Variants in OPRM1 observed in about 807,000 individuals in gnomAD.
OPRM1 encodes opioid receptor mu 1.
In OPRM1, 27 loss-of-function variants were observed where a neutral mutation model predicts 31.8. The observed-to-expected ratio is 0.85, with a 90% CI of 0.63 to 1.17. The LOEUF is 1.17. Ranked by LOEUF, OPRM1 falls within the 50% of genes most tolerant of loss-of-function variation. OPRM1 has a pLI of 0.00. For synonymous variants in OPRM1, 196 were observed against 189.9 expected, an observed-to-expected ratio of 1.03 and a Z score of -0.26; for missense variants, 536 against 511.1, an observed-to-expected ratio of 1.05 and a Z score of -0.47.
chr6:154,058,793 A>G (rs767939440), intron 1 of OPRM1, among the ~76,000 whole-genome samples: 3 of 152,156 alleles, frequency 2.0e-5, no homozygotes, highest in African/African-American at 4.8e-5. Context: ...TTCCATACTA[A>G]CAATCCTTAA....
intron 1 of OPRM1, among the ~76,000 whole-genome samples, chr6:154,050,576 G>A (rs763601379): frequency 1.3e-5 from 2 of 151,832 alleles, no homozygotes; most frequent in Non-Finnish European, 2.9e-5. Context: ...AACTTAGAGA[G>A]TAGAAGGATG....
intron 3 of OPRM1, chr6:154,212,786 G>A (rs1377979624): frequency 1.9e-6 from 3 of 1,612,192 alleles, no homozygotes; most frequent in Non-Finnish European, 2.5e-6. Flanking sequence ...CTGAGTCTGG[G>A]AAGCGTGAGG....
chr6:154,150,681 C>G (rs561263444), intron 3 of OPRM1, among the ~76,000 whole-genome samples: 1 of 152,218 alleles, frequency 6.6e-6, no homozygotes, highest in Non-Finnish European at 1.5e-5. Context: ...CTTCTTTACC[C>G]GCACATCCCC....
At position 154,056,812 on chromosome 6, in the gene OPRM1, T is replaced by C. The variant is rs905802754; in HGVS notation, c.290+16978T>C. On this transcript the variant is annotated intron_variant, in intron 1 of 3. Coordinates refer to ENST00000330432, the MANE Select transcript of OPRM1 (RefSeq NM_000914.5). Reference sequence around the variant, plus strand: ...GTATAACCTGAACATCAGAGCCTCATTGTGCCTGCCAAGAAGAACAAGGGA... The same window carrying C: ...GTATAACCTGAACATCAGAGCCTCACTGTGCCTGCCAAGAAGAACAAGGGA... 2.6e-5 allele frequency among the ~76,000 whole-genome samples: 4 copies of C among 152,126 alleles called. No homozygotes were observed. In the East Asian group the frequency reaches 5.8e-4, roughly 22 times the overall value.
At chr6:154,081,461 G>C (rs1043560175) in intron 1 of OPRM1, among the ~76,000 whole-genome samples, 1 of 152,076 alleles carries the variant, frequency 6.6e-6, no homozygotes. Context: ...AGCCGAGATC[G>C]CGCCACTGCA....
chr6:154,199,662 G>A, intron 3 of OPRM1: 1 of 1,589,252 alleles, frequency 6.3e-7, no homozygotes, highest in Non-Finnish European at 8.6e-7. Context: ...TAATTTATTG[G>A]TTTACCTTTG....
intron 1 of OPRM1, among the ~76,000 whole-genome samples, chr6:154,011,813 T>C (rs1777745446): frequency 1.3e-5 from 2 of 152,116 alleles, no homozygotes; most frequent in Non-Finnish European, 2.9e-5. Context: ...GATGGTACTA[T>C]TAAAATTATG....
intron 3 of OPRM1, among the ~76,000 whole-genome samples, chr6:154,109,385 A>G (rs1163203104): frequency 6.6e-6 from 1 of 152,262 alleles, no homozygotes; most frequent in African/African-American, 2.4e-5. Context: ...ATTGACTTAC[A>G]AAAAGATGTA....
chr6:154,050,710 T>C lies in OPRM1; in HGVS notation c.290+10876T>C, dbSNP rs534821120. On this transcript the variant is annotated intron_variant, in intron 1 of 3. Coordinates refer to ENST00000330432, the MANE Select transcript of OPRM1 (RefSeq NM_000914.5). ...CCTACTATCTGAAAGCACAAAAGGG[T>C]GACTATAATCAATAATAAGCTAATT... 1.0e-3 allele frequency among the ~76,000 whole-genome samples: 153 copies of C among 152,132 alleles called. 1 individual carries two copies. Among genetic ancestry groups the C allele is most frequent in the African/African-American group, 3.5e-3 (144 of 41,498 alleles).
intron 3 of OPRM1, among the ~76,000 whole-genome samples, chr6:154,165,696 C>T (rs1487925104): frequency 3.3e-5 from 5 of 152,208 alleles, no homozygotes; most frequent in Non-Finnish European, 7.3e-5. Flanking sequence ...GTGTAATCTC[C>T]TCCCTGAAAA....
intron 3 of OPRM1, among the ~76,000 whole-genome samples, chr6:154,149,167 C>T (rs1798431303): frequency 1.3e-5 from 2 of 152,136 alleles, no homozygotes; most frequent in Admixed American, 6.5e-5. Context: ...GATTGACTCA[C>T]AGTTCCACGT....
intron 3 of OPRM1, among the ~76,000 whole-genome samples, chr6:154,173,541 C>T (rs1162773368): frequency 6.6e-6 from 1 of 151,948 alleles, no homozygotes; most frequent in Non-Finnish European, 1.5e-5. Flanking sequence ...GCTTCAACAG[C>T]CGATTCAATC....
At chr6:154,094,209 G>A in intron 3 of OPRM1, 1 of 1,286,136 alleles carries the variant, frequency 7.8e-7, no homozygotes, top group Non-Finnish European at 1.0e-6. Context: ...ATATTCTGCA[G>A]ATCAGAGATC....
intron 1 of OPRM1, among the ~76,000 whole-genome samples, chr6:154,055,255 G>T (rs1783015817): frequency 6.6e-6 from 1 of 152,266 alleles, no homozygotes; most frequent in Admixed American, 6.5e-5. Context: ...GGGCAACATG[G>T]CTTGTGCCTG....
At chr6:154,106,220 A>T (rs189491935) in intron 3 of OPRM1, among the ~76,000 whole-genome samples, 1 of 152,234 alleles carries the variant, frequency 6.6e-6, no homozygotes, top group Admixed American at 6.5e-5. Context: ...AACACATTTT[A>T]CTTTCTTTAC....
chr6:154,084,445 G>T lies in OPRM1; in HGVS notation c.291-5381G>T, dbSNP rs150960039. Among the ~76,000 whole-genome samples the T allele has an allele frequency of 1.3e-3, 194 of 150,600 alleles. 1 individual carries two copies. The highest frequency in any genetic ancestry group is 4.5e-3 in the African/African-American group (186 of 40,966). ...CAGACACACACACACACACTCACAA[G>T]TAAAAACGCACCTGGGATATCAGAA... On this transcript the variant is annotated intron_variant, in intron 1 of 3. Transcript: ENST00000330432.
intron 1 of OPRM1, among the ~76,000 whole-genome samples, chr6:154,019,575 C>T (rs1395770677): frequency 3.3e-5 from 5 of 151,940 alleles, no homozygotes; most frequent in African/African-American, 9.7e-5. Context: ...TCCAATCTCT[C>T]ACAACCATTG....
At chr6:154,044,115 T>C (rs930940656) in intron 1 of OPRM1, among the ~76,000 whole-genome samples, 1 of 152,012 alleles carries the variant, frequency 6.6e-6, no homozygotes, top group Non-Finnish European at 1.5e-5. Context: ...GATGGATAGA[T>C]AGATAGAGAG....
intron 3 of OPRM1, among the ~76,000 whole-genome samples, chr6:154,113,023 G>A (rs1796503979): frequency 6.6e-6 from 1 of 152,168 alleles, no homozygotes. Flanking sequence ...TGCATGGATT[G>A]CTCCACCATA....
Sources: allele counts gnomAD v4.1 joint callset (sites outside exome capture counted in the v4.1 genomes callset), GRCh38; gene constraint gnomAD v4.1.1; transcripts MANE v1.5; gene names NCBI Gene and HGNC (gene_info 2026-07-23, HGNC 2026-07-21).